SUMF1: variants seen among roughly 807,000 people sequenced by gnomAD.
SUMF1 encodes the protein sulfatase modifying factor 1.
In SUMF1, 48 loss-of-function variants were observed where a neutral mutation model predicts 47.6. That is an observed-to-expected ratio of 1.01 (90% CI 0.80 to 1.28). The LOEUF (loss-of-function observed/expected upper bound fraction) is 1.28. Ranked by LOEUF, SUMF1 falls within the 50% of genes most tolerant of loss-of-function variation. The pLI, the probability that SUMF1 is intolerant of heterozygous loss-of-function variation, is 0.00. For synonymous variants in SUMF1, 230 were observed against 192.1 expected (o/e 1.20, Z -1.63); for missense variants, 571 against 485.4 (o/e 1.18, Z -1.66).
At chr3:4,440,263 A>AAAAAAC (rs745740071) in intron 3 of SUMF1, among the ~76,000 whole-genome samples, 9 of 132,182 alleles carry the variant, frequency 6.8e-5, no homozygotes, top group African/African-American at 1.1e-4. Context: ...AAAAAAAAAA[A>AAAAAAC]AGATACTGAG....
intron 8 of SUMF1, among the ~76,000 whole-genome samples, chr3:4,351,629 C>T (rs1699504196): frequency 6.6e-6 from 1 of 152,056 alleles, no homozygotes; most frequent in Non-Finnish European, 1.5e-5. Flanking sequence ...TTCCACGCCG[C>T]CCCTAAAAAA....
At chr3:4,403,754 G>C (rs1444397111) in intron 7 of SUMF1, among the ~76,000 whole-genome samples, 1 of 152,202 alleles carries the variant, frequency 6.6e-6, no homozygotes, top group Non-Finnish European at 1.5e-5. Flanking sequence ...GAGAGTTACT[G>C]TTCACCAAGA....
intron 8 of SUMF1, among the ~76,000 whole-genome samples, chr3:4,338,978 G>A (rs926377551): frequency 6.6e-6 from 1 of 152,136 alleles, no homozygotes; most frequent in African/African-American, 2.4e-5. Flanking sequence ...GGGTATTGCT[G>A]ACTGAGCCAA....
At chr3:4,312,112 A>G (rs1303102359) in intron 8 of SUMF1, among the ~76,000 whole-genome samples, 5 of 152,226 alleles carry the variant, frequency 3.3e-5, no homozygotes, top group African/African-American at 1.2e-4. Context: ...TATCTTTAAT[A>G]AATTTAAATA....
intron 8 of SUMF1, among the ~76,000 whole-genome samples, chr3:4,188,743 A>G (rs966226112): frequency 6.6e-6 from 1 of 152,168 alleles, no homozygotes; most frequent in Admixed American, 6.5e-5. Flanking sequence ...TGTCTATAAA[A>G]TGGGGATAAT....
At chr3:4,310,095 G>C (rs1698346317) in intron 8 of SUMF1, among the ~76,000 whole-genome samples, 1 of 152,118 alleles carries the variant, frequency 6.6e-6, no homozygotes, top group South Asian at 2.1e-4. Context: ...TCTAAACATA[G>C]AAAACATACA....
chr3:4,193,872 A>G (rs1232075981), intron 8 of SUMF1, among the ~76,000 whole-genome samples: 1 of 152,172 alleles, frequency 6.6e-6, no homozygotes, highest in Non-Finnish European at 1.5e-5. Context: ...GAAATTAAGA[A>G]TTAGCCAATT....
At chr3:4,306,243 C>G (rs567394920) in intron 8 of SUMF1, among the ~76,000 whole-genome samples, 1 of 151,802 alleles carries the variant, frequency 6.6e-6, no homozygotes, top group African/African-American at 2.4e-5. Context: ...ACTATGTGCC[C>G]GACGTATTTT....
intron 8 of SUMF1, among the ~76,000 whole-genome samples, chr3:4,127,556 C>T (rs770759584): frequency 8.5e-5 from 13 of 152,140 alleles, no homozygotes; most frequent in African/African-American, 1.7e-4. Context: ...TTCCTGCTCT[C>T]AAATATCGGA....
At chr3:4,390,004 G>T (rs193255702) in intron 7 of SUMF1, among the ~76,000 whole-genome samples, 1 of 152,090 alleles carries the variant, frequency 6.6e-6, no homozygotes, top group South Asian at 2.1e-4. Context: ...ATATCTTCCT[G>T]GTTCTTGGGA....
At chr3:4,056,256 C>CA (rs992836131) in intron 9 of SUMF1, among the ~76,000 whole-genome samples, 6 of 152,244 alleles carry the variant, frequency 3.9e-5, no homozygotes, top group African/African-American at 1.4e-4. Context: ...ACACATGTCC[C>CA]AAGCCATTAC....
chr3:4,237,666 G>C (rs960440690), intron 8 of SUMF1, among the ~76,000 whole-genome samples: 3 of 151,978 alleles, frequency 2.0e-5, no homozygotes, highest in Non-Finnish European at 4.4e-5. Flanking sequence ...TTCATGAATT[G>C]TGCCTTTTGT....
intron 8 of SUMF1, among the ~76,000 whole-genome samples, chr3:4,149,330 A>AT (rs1486935978): frequency 6.6e-6 from 1 of 152,070 alleles, no homozygotes; most frequent in Non-Finnish European, 1.5e-5. Flanking sequence ...TTCTTGAGGG[A>AT]TTTTTCAAAG....
chr3:4,278,616 A>C (rs2125043610), intron 8 of SUMF1, among the ~76,000 whole-genome samples: 1 of 152,234 alleles, frequency 6.6e-6, no homozygotes, highest in South Asian at 2.1e-4. Context: ...TAAAACAGAC[A>C]ACAGAAACCG....
chr3:4,402,824 T>C (rs1444458918), intron 7 of SUMF1, among the ~76,000 whole-genome samples: 1 of 152,086 alleles, frequency 6.6e-6, no homozygotes, highest in Non-Finnish European at 1.5e-5. Flanking sequence ...ATTTTTAAAA[T>C]CATTTTGTAA....
intron 8 of SUMF1, among the ~76,000 whole-genome samples, chr3:4,272,730 A>G (rs1697328617): frequency 6.6e-6 from 1 of 152,174 alleles, no homozygotes; most frequent in Non-Finnish European, 1.5e-5. Flanking sequence ...AAATATACGA[A>G]ATGATGCAGC....
At chr3:4,238,113 T>A (rs888030791) in intron 8 of SUMF1, among the ~76,000 whole-genome samples, 1 of 152,134 alleles carries the variant, frequency 6.6e-6, no homozygotes, top group South Asian at 2.1e-4. Context: ...CAGAAACTCA[T>A]CCTTTTTATG....
intron 3 of SUMF1, among the ~76,000 whole-genome samples, chr3:4,432,799 A>T (rs1016651899): frequency 2.0e-5 from 3 of 152,176 alleles, no homozygotes; most frequent in African/African-American, 7.2e-5. Flanking sequence ...AAGGATTTAG[A>T]TCTAGTTATC....
At chr3:4,376,432 G>A (rs748480656) in intron 7 of SUMF1, 43 bp from the exon 8 acceptor site, 1 of 1,602,900 alleles carries the variant, frequency 6.2e-7, no homozygotes, top group Admixed American at 1.7e-5. Flanking sequence ...AGAAGGCAAA[G>A]CTGCCCCTTA....
Sources: allele counts gnomAD v4.1 joint callset (sites outside exome capture counted in the v4.1 genomes callset), GRCh38; gene constraint gnomAD v4.1.1; transcripts MANE v1.5; gene names NCBI Gene and HGNC (gene_info 2026-07-23, HGNC 2026-07-21).